The following MAK variants were observed in gnomAD, a reference collection of about 807,000 sequenced individuals.
MAK encodes male germ cell associated kinase.
A neutral mutation model predicts 82.6 loss-of-function variants in MAK; 65 were observed. The observed-to-expected ratio is 0.79, with a 90% confidence interval of 0.64 to 0.97. MAK has a LOEUF of 0.97. MAK is among the 50% of genes least tolerant of loss of function. The probability of loss-of-function intolerance (pLI) is 0.00; values close to 1 mark genes in which losing one functional copy is unlikely to be tolerated. For missense variants in MAK, 703 were observed against 780.2 expected (o/e 0.90, Z 1.18); for synonymous variants, 250 against 274.2 (o/e 0.91, Z 0.87).
At chr6:10,835,462 G>T (rs913469907) in intron 1 of MAK, among the ~76,000 whole-genome samples, 6 of 152,190 alleles carry the variant, frequency 3.9e-5, no homozygotes. Flanking sequence ...GTTTTACCAC[G>T]TTGGCCAGGC....
chr6:10,791,354 C>T (rs920107595), intron 10 of MAK, among the ~76,000 whole-genome samples: 13 of 152,232 alleles, frequency 8.5e-5, no homozygotes, highest in South Asian at 8.3e-4. Flanking sequence ...GCAACATTCA[C>T]CTCCCAGGTT....
At chr6:10,779,273 T>C (rs1421174505) in intron 11 of MAK, 12 of 927,002 alleles carry the variant, frequency 1.3e-5, no homozygotes, top group African/African-American at 3.6e-5. Context: ...TAGCTTTCAA[T>C]TGCATACTGT....
chr6:10,823,826 G>A (rs1047825386), intron 2 of MAK, among the ~76,000 whole-genome samples: 3 of 152,096 alleles, frequency 2.0e-5, no homozygotes, highest in Admixed American at 1.3e-4. Context: ...CACCACACCC[G>A]GCCTGGAATT....
chr6:10,778,000 T>C (rs1339591857), intron 11 of MAK, among the ~76,000 whole-genome samples: 2 of 152,208 alleles, frequency 1.3e-5, no homozygotes, highest in Non-Finnish European at 2.9e-5. Flanking sequence ...TAGAATTTTG[T>C]TATTTATTTG....
chr6:10,802,395 TC>T (rs1025314973), intron 7 of MAK: 7 of 235,110 alleles, frequency 3.0e-5, no homozygotes, highest in African/African-American at 1.2e-4. Flanking sequence ...AGCCTCACCC[TC>T]CCGGGCTCAA....
chr6:10,811,895 A>C (rs1254927679), intron 5 of MAK, among the ~76,000 whole-genome samples: 1 of 152,168 alleles, frequency 6.6e-6, no homozygotes, highest in Non-Finnish European at 1.5e-5. Context: ...AATAAAAAAA[A>C]CAAAATATAA....
rs371663739 is a variant in MAK, at chr6:10,767,783, T to C, written c.1792+2328A>G. On this transcript the variant is annotated intron_variant, in intron 14 of 14. Transcript: ENST00000354489. ...CTCCAGGCTGGTGACAGAGCGAGAC[T>C]TTGTCTCAAAAAAAAAAAAAAAAAA... 1.2e-4 allele frequency among the ~76,000 whole-genome samples: 18 copies of C among 149,020 alleles called. 1 individual carries two copies. Among genetic ancestry groups the C allele is most frequent in the African/African-American group, 4.2e-4 (17 of 40,716 alleles).
intron 2 of MAK, among the ~76,000 whole-genome samples, chr6:10,819,417 G>T (rs755212763): frequency 6.6e-6 from 1 of 152,064 alleles, no homozygotes; most frequent in Non-Finnish European, 1.5e-5. Flanking sequence ...GGATCACAAG[G>T]TCAGGAGTTC....
At chr6:10,767,816 A>G (rs1422518905) in intron 14 of MAK, among the ~76,000 whole-genome samples, 1 of 151,860 alleles carries the variant, frequency 6.6e-6, no homozygotes, top group Non-Finnish European at 1.5e-5. Context: ...AAAAAACAAA[A>G]ACAAAAATCT....
At chr6:10,827,065 C>T (rs746879936) in intron 2 of MAK, among the ~76,000 whole-genome samples, 10 of 152,072 alleles carry the variant, frequency 6.6e-5, no homozygotes, top group Non-Finnish European at 1.0e-4. Flanking sequence ...GAGCTGAGAT[C>T]GCGCCACTGC....
chr6:10,794,986 C>CT (rs1775398422), intron 9 of MAK, among the ~76,000 whole-genome samples: 2 of 148,004 alleles, frequency 1.4e-5, no homozygotes, highest in South Asian at 4.4e-4. Flanking sequence ...GAGCAAAACT[C>CT]TGTCTCAAAA....
Position 10,830,927 on chromosome 6 carries a change from C to T in MAK, c.-229-50G>A, listed in dbSNP as rs1041571310. Reference sequence around the variant, plus strand: ...ATGAATTTTCATTAACAAGTCTCTTCAAAAATTGTACTGGCAACTTAGAGC... The same window carrying T: ...ATGAATTTTCATTAACAAGTCTCTTTAAAAATTGTACTGGCAACTTAGAGC... On this transcript the variant is annotated intron_variant, in intron 1 of 14. Coordinates refer to ENST00000354489, the MANE Select transcript of MAK (RefSeq NM_001242957.3). 2.5e-5 allele frequency: 10 copies of T among 402,656 alleles called. No individual in the cohort carries two copies. In the East Asian group the frequency reaches 5.4e-4, roughly 22 times the overall value. The allele number at this position is 402,656 out of a possible 1,614,324, so 24.9% of individuals were successfully genotyped here. A position where few individuals can be genotyped will look rare whatever the true frequency, so the allele number is the denominator to read the frequency against.
In MAK at chr6:10,800,346, TTC is replaced by T. The variant is rs1219127324; in HGVS notation, c.831+1544_831+1545del. 2.0e-5 allele frequency among the ~76,000 whole-genome samples: 3 copies of T among 152,288 alleles called. No homozygotes were observed. Among genetic ancestry groups the T allele is most frequent in the East Asian group, 1.9e-4 (1 of 5,186 alleles). On this transcript the variant is annotated intron_variant, in intron 8 of 14. Coordinates refer to ENST00000354489, the MANE Select transcript of MAK (RefSeq NM_001242957.3). The surrounding 1 kb of genome is among the most constrained non-coding windows in gnomAD (Gnocchi z 4.2). ...ATTATATTAAGAATTAAAAATAATT[TTC>T]TCTGTCTTATCTTTCCATTTTAAGA...
chr6:10,767,074 C>T (rs1380230657), intron 14 of MAK, among the ~76,000 whole-genome samples: 1 of 148,392 alleles, frequency 6.7e-6, no homozygotes. Context: ...TTAGTGGGAC[C>T]ACCCCACACC....
chr6:10,764,668 A>C (rs1772234581), intron 14 of MAK, 62 bp from the exon 15 acceptor site: 30 of 1,422,374 alleles, frequency 2.1e-5, no homozygotes, highest in Non-Finnish European at 2.8e-5. Flanking sequence ...CTCAAAATAA[A>C]GAAATTCATC....
At chr6:10,771,483 A>G (rs766132283) in intron 13 of MAK, among the ~76,000 whole-genome samples, 2 of 152,178 alleles carry the variant, frequency 1.3e-5, no homozygotes, top group Non-Finnish European at 2.9e-5. Context: ...ACCAGAAGCA[A>G]TAGGAGGAGC....
intron 4 of MAK, among the ~76,000 whole-genome samples, chr6:10,816,982 G>A (rs1036045010): frequency 2.0e-5 from 3 of 152,058 alleles, no homozygotes; most frequent in African/African-American, 7.2e-5. Flanking sequence ...CTGATTTGAG[G>A]GGCAGAAATT....
rs746386493 is a variant in MAK at position 10,782,202 on chromosome 6, TCA to T, written c.1465+2220_1465+2221del. On this transcript the variant is annotated intron_variant, in intron 11 of 14. Coordinates refer to ENST00000354489, the MANE Select transcript of MAK (RefSeq NM_001242957.3). ...AGCCTGGGCAACGAGTGAAACTCTG[TCA>T]CACACACACACACACACACACACAC... Among the ~76,000 whole-genome samples, 1,247 of 146,090 alleles carry T rather than the reference TCA, an allele frequency of 8.5e-3. 5 individuals carry two copies. The highest frequency in any genetic ancestry group is 0.014 in the South Asian group (65 of 4,492).
At chr6:10,827,835 C>G (rs963998500) in intron 2 of MAK, 4 of 152,280 alleles carry the variant, frequency 2.6e-5, no homozygotes, top group Non-Finnish European at 5.9e-5. Flanking sequence ...GTGAGCACCA[C>G]GATGCCCAAT....
Sources: allele counts gnomAD v4.1 joint callset (sites outside exome capture counted in the v4.1 genomes callset), GRCh38; gene constraint gnomAD v4.1.1; non-coding constraint Gnocchi (gnomAD v3.1); transcripts MANE v1.5; gene names NCBI Gene and HGNC (gene_info 2026-07-23, HGNC 2026-07-21).